The following SLC4A1AP variants were observed in gnomAD, a reference collection of about 807,000 sequenced individuals.
SLC4A1AP encodes kanadaptin.
In SLC4A1AP, 64 loss-of-function variants were observed where a neutral mutation model predicts 89.7. The ratio of observed to expected loss-of-function variants is 0.71; its 90% CI spans 0.58 to 0.88. The LOEUF (loss-of-function observed/expected upper bound fraction) is 0.88, where lower values mean the gene tolerates loss of function less well. SLC4A1AP is among the 40% of genes least tolerant of loss of function. The pLI, the probability that SLC4A1AP is intolerant of heterozygous loss-of-function variation, is 0.00. For missense variants in SLC4A1AP, 931 were observed against 965.0 expected, an observed-to-expected ratio of 0.96 and a Z score of 0.47; for synonymous variants, 366 against 353.3, an observed-to-expected ratio of 1.04 and a Z score of -0.40.
At chr2:27,668,404 C>T (rs936054903) in intron 3 of SLC4A1AP, among the ~76,000 whole-genome samples, 2 of 152,128 alleles carry the variant, frequency 1.3e-5, no homozygotes, top group Admixed American at 1.3e-4. Flanking sequence ...CCCATCTCGG[C>T]CATCCAAAGT....
rs773058788 is a variant in SLC4A1AP, at chr2:27,668,914, T to C, written c.1205+11T>C. 6 of 1,612,406 alleles carry C rather than the reference T, an allele frequency of 3.7e-6. No individual in the cohort carries two copies. Among genetic ancestry groups the C allele is most frequent in the Admixed American group, 1.7e-5 (1 of 59,862 alleles). On this transcript the variant is annotated intron_variant, in intron 4 of 13. Coordinates refer to ENST00000613058, the Ensembl canonical transcript of SLC4A1AP. Reference sequence around the variant, plus strand: ...GCTCTGCAGGGTGAGGTATGCTCTTTTCTTATTAATGTTCTTTTCTGGAAA... The same window carrying C: ...GCTCTGCAGGGTGAGGTATGCTCTTCTCTTATTAATGTTCTTTTCTGGAAA...
At chr2:27,686,180 C>T (rs1409942777) in intron 10 of SLC4A1AP, among the ~76,000 whole-genome samples, 1 of 152,234 alleles carries the variant, frequency 6.6e-6, no homozygotes, top group Non-Finnish European at 1.5e-5. Context: ...TACATAAAAA[C>T]TCCAGGCCTG....
chr2:27,675,753 G>A (rs1675510107), intron 6 of SLC4A1AP, 61 bp downstream of exon 6: 2 of 1,075,980 alleles, frequency 1.9e-6, no homozygotes, highest in African/African-American at 1.6e-5. Flanking sequence ...ATAACATAAT[G>A]TATTATTTAA....
chr2:27,674,843 C>T (rs1433793303), intron 5 of SLC4A1AP, among the ~76,000 whole-genome samples: 1 of 150,334 alleles, frequency 6.7e-6, no homozygotes, highest in Non-Finnish European at 1.5e-5. Context: ...TCCTGAGTAG[C>T]TGGGATTACA....
chr2:27,673,943 A>G (rs1201894039), intron 5 of SLC4A1AP, among the ~76,000 whole-genome samples: 2 of 151,842 alleles, frequency 1.3e-5, no homozygotes, highest in African/African-American at 4.8e-5. Context: ...TGAAACCATA[A>G]CTTAGTACTA....
chr2:27,692,680 C>G (rs527384634), intron 12 of SLC4A1AP: 2 of 152,166 alleles, frequency 1.3e-5, no homozygotes, highest in African/African-American at 4.8e-5. Context: ...GTTTTAGGTG[C>G]ATATATATTT....
intron 8 of SLC4A1AP, 56 bp from the exon 9 acceptor site, chr2:27,682,192 A>G: frequency 8.9e-7 from 1 of 1,129,878 alleles, no homozygotes; most frequent in African/African-American, 1.6e-5. Flanking sequence ...TGGTATTTTT[A>G]GATAAAACCT....
chr2:27,692,417 A>G (rs1572997960), intron 12 of SLC4A1AP: 1 of 152,198 alleles, frequency 6.6e-6, no homozygotes, highest in Non-Finnish European at 1.5e-5. Context: ...GGTCTATCAT[A>G]TGGTCTATCT....
At chr2:27,673,356 C>G in intron 5 of SLC4A1AP, among the ~76,000 whole-genome samples, 1 of 137,562 alleles carries the variant, frequency 7.3e-6, no homozygotes, top group Non-Finnish European at 1.6e-5. Context: ...TTTTTCTTTT[C>G]CTCCTTTCCC....
intron 2 of SLC4A1AP, among the ~76,000 whole-genome samples, chr2:27,666,352 A>ACCACCCACCACCCC (rs1558504861): frequency 2.9e-4 from 1 of 3,420 alleles, no homozygotes; most frequent in Non-Finnish European, 8.8e-4. Context: ...CTTGTGATCC[A>ACCACCCACCACCCC]CCCCCCACCC....
At chr2:27,682,442 A>G (rs1478298606) in intron 9 of SLC4A1AP, 83 bp downstream of exon 9, 10 of 776,120 alleles carry the variant, frequency 1.3e-5, no homozygotes, top group Non-Finnish European at 2.2e-5. Flanking sequence ...TTGAAACTAC[A>G]AATGACTCAT....
chr2:27,676,202 C>T (rs1277362686), intron 6 of SLC4A1AP, among the ~76,000 whole-genome samples: 3 of 152,114 alleles, frequency 2.0e-5, no homozygotes, highest in Admixed American at 6.5e-5. Context: ...ATTAATAATG[C>T]AGAGCTTGAC....
exon 1 of SLC4A1AP, chr2:27,664,166 C>A (rs1363470424): frequency 1.2e-6 from 2 of 1,614,150 alleles, no homozygotes; most frequent in Admixed American, 3.3e-5. Context: ...AGTCGCGCCC[C>A]CCGACAGCGG....
In SLC4A1AP at chr2:27,663,918, G is replaced by C. The variant is rs1307928952; in HGVS notation, c.166G>C (p.Ala56Pro). 6 of 1,614,014 alleles carry C rather than the reference G, an allele frequency of 3.7e-6. No individual in the cohort carries two copies. The African/African-American group carries it at 8.0e-5, about 22-fold the overall frequency. The change falls in exon 1 of 14, where the codon GCT becomes CCT. Residue 56 changes from alanine to proline, a missense_variant. Ala to Pro is a conservative substitution (Grantham distance 27). Transcript: ENST00000613058. ...TTCGAAGTTGCACCGGTTGAGGATGGCTGACATTCTCTCTCAGTCAGAGAC... is the reference window on the plus strand; with the variant it reads ...TTCGAAGTTGCACCGGTTGAGGATGCCTGACATTCTCTCTCAGTCAGAGAC...
chr2:27,664,171 C>A lies in SLC4A1AP; in HGVS notation c.419C>A (p.Thr140Lys), dbSNP rs749720707. 6.2e-7 allele frequency: 1 copy of A among 1,614,188 alleles called. No individual in the cohort carries two copies. The highest frequency in any genetic ancestry group is 1.1e-5 in the South Asian group (1 of 91,084). The change falls in exon 1 of 14, where the codon ACA becomes AAA. Residue 140 changes from threonine (T) to lysine (K), a missense_variant. Transcript: ENST00000613058. ...CAGGAGGAGCAGTCGCGCCCCCCGA[C>A]AGCGGTTTCTTCCCCTGGCGGTCCA...
rs547059493 is a variant in SLC4A1AP at position 27,685,348 on chromosome 2, G to T, written c.2116+71G>T. ...ATTGATTGTGGATAGGTTTTAAAAA[G>T]CAAGGCCAGTTCTTGTCTGTGCATT... On this transcript the variant is annotated intron_variant, in intron 10 of 13. Coordinates refer to ENST00000613058, the Ensembl canonical transcript of SLC4A1AP. The T allele has an allele frequency of 2.6e-6, 4 of 1,529,922 alleles. No homozygotes were observed. The African/African-American group carries it at 5.6e-5, about 21-fold the overall frequency. The allele number at this position is 1,529,922 out of a possible 1,614,324, so 94.8% of individuals were successfully genotyped here. A position where few individuals can be genotyped will look rare whatever the true frequency, so the allele number is the denominator to read the frequency against.
chr2:27,670,522 C>G (rs939298262), intron 5 of SLC4A1AP, among the ~76,000 whole-genome samples: 1 of 152,052 alleles, frequency 6.6e-6, no homozygotes, highest in Non-Finnish European at 1.5e-5. Context: ...TCCCTAAAGG[C>G]TTTCAGTTTT....
intron 10 of SLC4A1AP, 37 bp from the exon 11 acceptor site, chr2:27,687,897 A>G (rs752985621): frequency 2.6e-6 from 4 of 1,523,580 alleles, no homozygotes; most frequent in Non-Finnish European, 3.6e-6. Flanking sequence ...ACCATGAATT[A>G]AATCATGACA....
At chr2:27,680,210 A>C (rs2148136617) in intron 8 of SLC4A1AP, among the ~76,000 whole-genome samples, 1 of 152,268 alleles carries the variant, frequency 6.6e-6, no homozygotes, top group African/African-American at 2.4e-5. Context: ...GTTAAAAATT[A>C]ATAATATTGA....
Sources: allele counts gnomAD v4.1 joint callset (sites outside exome capture counted in the v4.1 genomes callset), GRCh38; gene constraint gnomAD v4.1.1; transcripts MANE v1.5; gene names NCBI Gene and HGNC (gene_info 2026-07-23, HGNC 2026-07-21).